The following DACH1 variants were observed in gnomAD, a reference collection of about 807,000 sequenced individuals.
DACH1 encodes the protein dachshund family transcription factor 1.
Under a neutral mutation model 54.2 loss-of-function variants are expected in DACH1, and 12 were observed. The observed-to-expected ratio is 0.22, with a 90% CI of 0.14 to 0.36. The LOEUF is 0.36. DACH1 is among the 10% of genes least tolerant of loss of function. The probability of loss-of-function intolerance (pLI) is 1.00; values close to 1 mark genes in which losing one functional copy is unlikely to be tolerated. For synonymous variants in DACH1, 386 were observed against 366.2 expected (o/e 1.05, Z -0.62); for missense variants, 805 against 929.8 (o/e 0.87, Z 1.75).
intron 1 of DACH1, among the ~76,000 whole-genome samples, chr13:71,851,388 TA>T (rs1403261727): frequency 6.6e-6 from 1 of 152,196 alleles, no homozygotes; most frequent in Non-Finnish European, 1.5e-5. Context: ...AACTAGTAAA[TA>T]ATGATGTTAT....
chr13:71,697,186 C>A (rs141345382), intron 1 of DACH1, among the ~76,000 whole-genome samples: 109 of 152,214 alleles, frequency 7.2e-4, no homozygotes, highest in African/African-American at 2.5e-3. Context: ...ACTGGAATAT[C>A]CCCATTTTAG....
intron 1 of DACH1, among the ~76,000 whole-genome samples, chr13:71,745,293 T>C (rs1884558299): frequency 6.6e-6 from 1 of 152,196 alleles, no homozygotes; most frequent in Non-Finnish European, 1.5e-5. Context: ...ACATATGTAA[T>C]AGGCACACAA....
At chr13:71,659,935 T>C (rs1879383402) in intron 2 of DACH1, among the ~76,000 whole-genome samples, 1 of 152,162 alleles carries the variant, frequency 6.6e-6, no homozygotes, top group African/African-American at 2.4e-5. Context: ...TTATGTGTTG[T>C]GTGTATTTGA....
chr13:71,730,482 C>T (rs1594146065), intron 1 of DACH1, among the ~76,000 whole-genome samples: 1 of 152,282 alleles, frequency 6.6e-6, no homozygotes, highest in East Asian at 1.9e-4. Context: ...AAGCATGAGT[C>T]ATGCACGCAA....
intron 2 of DACH1, among the ~76,000 whole-genome samples, chr13:71,665,566 A>G (rs1427608043): frequency 1.3e-5 from 2 of 152,084 alleles, no homozygotes; most frequent in Non-Finnish European, 2.9e-5. Context: ...AACGCCTACT[A>G]TGCAATAATT....
At chr13:71,787,770 T>G (rs2138084294) in intron 1 of DACH1, among the ~76,000 whole-genome samples, 1 of 152,266 alleles carries the variant, frequency 6.6e-6, no homozygotes, top group South Asian at 2.1e-4. Flanking sequence ...TATCCTTTAT[T>G]TTTGCGTAAC....
chr13:71,455,610 G>A (rs141372171), intron 10 of DACH1, among the ~76,000 whole-genome samples: 1 of 152,160 alleles, frequency 6.6e-6, no homozygotes, highest in Non-Finnish European at 1.5e-5. Context: ...TAGATGGACT[G>A]CGACAGAACT....
chr13:71,726,558 A>G (rs531644415), intron 1 of DACH1, among the ~76,000 whole-genome samples: 3 of 152,230 alleles, frequency 2.0e-5, no homozygotes, highest in Non-Finnish European at 4.4e-5. Flanking sequence ...TGAAAAATCT[A>G]TATTTAAATT....
chr13:71,762,097 AC>A (rs1885421925), intron 1 of DACH1, among the ~76,000 whole-genome samples: 1 of 152,156 alleles, frequency 6.6e-6, no homozygotes, highest in African/African-American at 2.4e-5. Context: ...AATTATACAG[AC>A]CAGAAAACTA....
chr13:71,688,896 G>A (rs965896207), intron 1 of DACH1, among the ~76,000 whole-genome samples: 2 of 152,166 alleles, frequency 1.3e-5, no homozygotes, highest in East Asian at 1.9e-4. Flanking sequence ...TGTATGTTTT[G>A]TGGAAGAACT....
At chr13:71,559,787 T>C (rs1884472725) in intron 5 of DACH1, 33 bp downstream of exon 5, 2 of 1,613,064 alleles carry the variant, frequency 1.2e-6, no homozygotes, top group East Asian at 2.2e-5. Flanking sequence ...TAATAAAGTT[T>C]AAAATGGTGA....
intron 1 of DACH1, among the ~76,000 whole-genome samples, chr13:71,749,051 C>A (rs1416129028): frequency 6.6e-6 from 1 of 151,580 alleles, no homozygotes; most frequent in African/African-American, 2.4e-5. Context: ...GTGGCATGAT[C>A]TCAGCTCACT....
intron 1 of DACH1, among the ~76,000 whole-genome samples, chr13:71,838,042 G>C (rs1232075423): frequency 7.5e-5 from 6 of 79,554 alleles, no homozygotes; most frequent in African/African-American, 1.0e-4. Context: ...AAAAAAAAAA[G>C]AAGTGCCAAC....
chr13:71,864,050 T>C (rs749893746), intron 1 of DACH1, among the ~76,000 whole-genome samples: 3 of 151,932 alleles, frequency 2.0e-5, no homozygotes, highest in Non-Finnish European at 4.4e-5. Context: ...TGGGCAAATA[T>C]TTTACATTCT....
intron 1 of DACH1, among the ~76,000 whole-genome samples, chr13:71,830,165 T>A (rs1254583294): frequency 6.6e-6 from 1 of 151,928 alleles, no homozygotes; most frequent in Non-Finnish European, 1.5e-5. Context: ...GAAACACACC[T>A]ACAACACTAA....
chr13:71,781,710 T>G (rs762995954), intron 1 of DACH1, among the ~76,000 whole-genome samples: 16 of 152,128 alleles, frequency 1.1e-4, no homozygotes, highest in Admixed American at 2.6e-4. Flanking sequence ...TTAGACGACC[T>G]AACAATTATG....
intron 1 of DACH1, among the ~76,000 whole-genome samples, chr13:71,707,613 A>T (rs1353318631): frequency 2.0e-5 from 3 of 152,230 alleles, no homozygotes; most frequent in Admixed American, 6.5e-5. Flanking sequence ...AGGCTCTTAC[A>T]TCTAGAGAAG....
chr13:71,862,265 G>A lies in DACH1; in HGVS notation c.848+3657C>T, dbSNP rs184479410. Among the ~76,000 whole-genome samples, 24 of 152,012 alleles carry A rather than the reference G, an allele frequency of 1.6e-4. No homozygotes were observed. In the East Asian group the frequency reaches 3.7e-3, roughly 23 times the overall value. ...GGTCACTTTTTTAAAACCTGAATTC[G>A]TGGAAAATTGAATCCTAACCCAAAT... On this transcript the variant is annotated intron_variant, in intron 1 of 10. Transcript: ENST00000613252.
chr13:71,723,999 A>G (rs2137892177), intron 1 of DACH1, among the ~76,000 whole-genome samples: 1 of 152,078 alleles, frequency 6.6e-6, no homozygotes, highest in African/African-American at 2.4e-5. Context: ...CCTGTTTTGT[A>G]TTTTTGTTTT....
Sources: allele counts gnomAD v4.1 joint callset (sites outside exome capture counted in the v4.1 genomes callset), GRCh38; gene constraint gnomAD v4.1.1; transcripts MANE v1.5; gene names NCBI Gene and HGNC (gene_info 2026-07-23, HGNC 2026-07-21).